Variants in FAF1 observed in about 807,000 individuals in gnomAD.
The protein encoded by FAF1 is FAS-associated factor 1.
A neutral mutation model predicts 92.5 loss-of-function variants in FAF1; 25 were observed. That is an observed-to-expected ratio of 0.27 (90% CI 0.20 to 0.38). FAF1 has a LOEUF of 0.38. Ranked by LOEUF, FAF1 falls within the 10% of genes least tolerant of loss-of-function variation. The pLI, the probability that FAF1 is intolerant of heterozygous loss-of-function variation, is 1.00. For missense variants in FAF1, 636 were observed against 793.3 expected (o/e 0.80, Z 2.38); for synonymous variants, 234 against 273.2 (o/e 0.86, Z 1.42).
intron 17 of FAF1, among the ~76,000 whole-genome samples, chr1:50,478,336 G>A (rs1375344471): frequency 6.6e-6 from 1 of 151,948 alleles, no homozygotes. Flanking sequence ...GCTAATTTTT[G>A]TATTTTAGTA....
chr1:50,632,533 T>TAGAAG (rs1653837779), intron 8 of FAF1, among the ~76,000 whole-genome samples: 1 of 152,192 alleles, frequency 6.6e-6, no homozygotes, highest in Non-Finnish European at 1.5e-5. Flanking sequence ...ACTTCTCTAT[T>TAGAAG]TAGTTCATTC....
intron 1 of FAF1, among the ~76,000 whole-genome samples, chr1:50,901,838 C>G (rs1644799636): frequency 6.6e-6 from 1 of 152,140 alleles, no homozygotes; most frequent in South Asian, 2.1e-4. Context: ...GCACTCCAAC[C>G]TGAGCAACAG....
At chr1:50,660,109 T>G (rs892371032) in intron 7 of FAF1, among the ~76,000 whole-genome samples, 4 of 152,332 alleles carry the variant, frequency 2.6e-5, no homozygotes, top group Non-Finnish European at 5.9e-5. Flanking sequence ...TAAAAGTACC[T>G]TCATAACATA....
chr1:50,673,304 T>C (rs1655980647), intron 7 of FAF1, among the ~76,000 whole-genome samples: 1 of 151,514 alleles, frequency 6.6e-6, no homozygotes, highest in East Asian at 1.9e-4. Flanking sequence ...GTATTGCTAA[T>C]AAAGGACTAG....
chr1:50,812,375 G>A (rs1229202412), intron 2 of FAF1, among the ~76,000 whole-genome samples: 2 of 151,990 alleles, frequency 1.3e-5, no homozygotes, highest in South Asian at 2.1e-4. Flanking sequence ...ACAACTTAAT[G>A]AGCAAAAAAC....
At chr1:50,890,836 T>A (rs976520437) in intron 1 of FAF1, among the ~76,000 whole-genome samples, 4 of 152,194 alleles carry the variant, frequency 2.6e-5, no homozygotes, top group Non-Finnish European at 4.4e-5. Context: ...GACAATTGTG[T>A]CTTGGAGTTG....
At chr1:50,519,544 G>T (rs920922398) in intron 15 of FAF1, among the ~76,000 whole-genome samples, 1 of 152,160 alleles carries the variant, frequency 6.6e-6, no homozygotes, top group African/African-American at 2.4e-5. Flanking sequence ...GCCTATATAT[G>T]TCCAGGCATA....
At chr1:50,794,028 A>G (rs1661656523) in intron 3 of FAF1, among the ~76,000 whole-genome samples, 1 of 152,210 alleles carries the variant, frequency 6.6e-6, no homozygotes, top group African/African-American at 2.4e-5. Flanking sequence ...TCAAATCTGA[A>G]AAAAACTGAA....
At chr1:50,692,799 T>C (rs1389876314) in intron 7 of FAF1, among the ~76,000 whole-genome samples, 2 of 152,218 alleles carry the variant, frequency 1.3e-5, no homozygotes, top group Non-Finnish European at 2.9e-5. Flanking sequence ...GATTTTTTAT[T>C]TGCATTTCCC....
rs560632517 is a variant in FAF1 at position 50,550,907 on chromosome 1, T to C, written c.1269-11179A>G. ...GTCAGAAAATGAGAACTGTAAATGG[T>C]AAAATGTAAATGCTCTCAGGTGTGT... On this transcript the variant is annotated intron_variant, in intron 13 of 18. Coordinates refer to ENST00000396153, the MANE Select transcript of FAF1 (RefSeq NM_007051.3). Among the ~76,000 whole-genome samples the C allele has an allele frequency of 7.2e-5, 11 of 152,254 alleles. No individual in the cohort carries two copies. The South Asian group carries it at 2.3e-3, about 32-fold the overall frequency.
chr1:50,781,485 T>C (rs549717600), intron 4 of FAF1, among the ~76,000 whole-genome samples: 1 of 152,198 alleles, frequency 6.6e-6, no homozygotes, highest in South Asian at 2.1e-4. Context: ...CATCCAATAC[T>C]GAAGTACCCA....
At chr1:50,835,381 C>A (rs12082477) in intron 2 of FAF1, among the ~76,000 whole-genome samples, 3,047 of 152,032 alleles carry the variant, frequency 0.02, 100 homozygotes, top group African/African-American at 0.071. Context: ...GTAAAGAATG[C>A]AGACTTTAGA....
At chr1:50,746,302 T>A (rs1462005543) in intron 4 of FAF1, among the ~76,000 whole-genome samples, 16 of 75,684 alleles carry the variant, frequency 2.1e-4, no homozygotes, top group East Asian at 6.4e-4. Context: ...ATTTTTTTTT[T>A]TTTTTTTTTT....
rs535857081 is a variant in FAF1 at position 50,734,715 on chromosome 1, T to C, written c.551+4148A>G. Among the ~76,000 whole-genome samples, 29 of 138,190 alleles carry C rather than the reference T, an allele frequency of 2.1e-4. No individual in the cohort carries two copies. In the South Asian group the frequency reaches 4.9e-3, roughly 24 times the overall value. The allele number at this position is 138,190 out of a possible 152,430, so 90.7% of individuals were successfully genotyped here. ...CGCCACTGCACTCCAGCCTGGGCGA[T>C]AGAGCGAGACTCCATCTCAAAAAAA... On this transcript the variant is annotated intron_variant, in intron 6 of 18. Coordinates refer to ENST00000396153, the MANE Select transcript of FAF1 (RefSeq NM_007051.3).
chr1:50,540,353 T>C lies in FAF1; in HGVS notation c.1269-625A>G, dbSNP rs28710970. ...ACATTAATTTCAAGAGGATAAAATT[T>C]CTTAAATAGAATAATATAGTGTTGT... On this transcript the variant is annotated intron_variant, in intron 13 of 18. Coordinates refer to ENST00000396153, the MANE Select transcript of FAF1 (RefSeq NM_007051.3). Among the ~76,000 whole-genome samples, 1,518 of 152,262 alleles carry C rather than the reference T, an allele frequency of 1.0e-2. 24 individuals carry two copies. The highest frequency in any genetic ancestry group is 0.035 in the African/African-American group (1,438 of 41,542).
chr1:50,868,753 T>C (rs182760372), intron 1 of FAF1, among the ~76,000 whole-genome samples: 14 of 152,320 alleles, frequency 9.2e-5, no homozygotes, highest in Non-Finnish European at 2.1e-4. Flanking sequence ...TTTAATTCCA[T>C]TGTGGATGGA....
At chr1:50,500,391 G>A (rs552860011) in intron 15 of FAF1, among the ~76,000 whole-genome samples, 1 of 152,258 alleles carries the variant, frequency 6.6e-6, no homozygotes, top group East Asian at 1.9e-4. Context: ...TGACAAAGGT[G>A]CAGAGGCAAT....
chr1:50,801,776 G>T, intron 2 of FAF1, 99 bp from the exon 3 acceptor site: 2 of 698,002 alleles, frequency 2.9e-6, no homozygotes, highest in Non-Finnish European at 2.5e-6. Flanking sequence ...TTTTAAAAAT[G>T]TATTTAAACA....
Position 50,952,362 on chromosome 1 carries a change from G to A in FAF1, c.45+7405C>T, listed in dbSNP as rs975613751. Among the ~76,000 whole-genome samples, 14 of 152,324 alleles carry A rather than the reference G, an allele frequency of 9.2e-5. No individual in the cohort carries two copies. The East Asian group carries it at 1.4e-3, about 15-fold the overall frequency. ...TGACCGCGAGTGATCTGCCAGCCTC[G>A]GCCTCCCGAGGTGTCAAGATTGCAG... is the stretch of plus-strand genomic sequence containing the variant. On this transcript the variant is annotated intron_variant, in intron 1 of 18. Coordinates refer to ENST00000396153, the MANE Select transcript of FAF1 (RefSeq NM_007051.3).
Sources: allele counts gnomAD v4.1 joint callset (sites outside exome capture counted in the v4.1 genomes callset), GRCh38; gene constraint gnomAD v4.1.1; transcripts MANE v1.5; gene names NCBI Gene and HGNC (gene_info 2026-07-23, HGNC 2026-07-21).